Variants in STARD13 observed in about 807,000 individuals in gnomAD.
STARD13 encodes the protein StAR related lipid transfer domain containing 13.
In STARD13, 62 loss-of-function variants were observed where a neutral mutation model predicts 106.4. That is an observed-to-expected ratio of 0.58 (90% confidence interval 0.48 to 0.72). The LOEUF (loss-of-function observed/expected upper bound fraction) is 0.72, where lower values mean the gene tolerates loss of function less well. STARD13 is among the 30% of genes least tolerant of loss of function. The pLI is 0.00. For missense variants in STARD13, 1,387 were observed against 1,424.0 expected (o/e 0.97, Z 0.42); for synonymous variants, 565 against 553.0 (o/e 1.02, Z -0.31).
At chr13:33,213,664 T>C (rs1887857552) in intron 1 of STARD13, among the ~76,000 whole-genome samples, 1 of 152,236 alleles carries the variant, frequency 6.6e-6, no homozygotes, top group Non-Finnish European at 1.5e-5. Flanking sequence ...ATTTCATGCA[T>C]TGTGCTCATG....
chr13:33,205,956 C>T lies in STARD13; in HGVS notation c.170-38334G>A, dbSNP rs147446766. 154 of 985,384 alleles carry T rather than the reference C, an allele frequency of 1.6e-4. 2 individuals are homozygous for T. In the Admixed American group the frequency reaches 8.4e-3, roughly 53 times the overall value. 61.0% of individuals were successfully genotyped at this position (985,384 alleles called of 1,614,324 possible). On this transcript the variant is annotated intron_variant, in intron 1 of 13. Transcript: ENST00000336934. ...CATCTGTCACCGAGTGTTTTCTCTT[C>T]GTTATCTCTGCCAGCTAATATTTCC...
chr13:33,467,045 G>C, the STARD13 span, among the ~76,000 whole-genome samples: 1 of 152,026 alleles, frequency 6.6e-6, no homozygotes, highest in Non-Finnish European at 1.5e-5. Flanking sequence ...TGGGGGTTGA[G>C]GGGGTGGGGA....
At chr13:33,230,544 C>A (rs1888864271) in intron 1 of STARD13, among the ~76,000 whole-genome samples, 1 of 152,244 alleles carries the variant, frequency 6.6e-6, no homozygotes, top group African/African-American at 2.4e-5. Context: ...GTGGAGCTTT[C>A]ATAATCTTCT....
At chr13:33,195,505 T>C (rs139873522) in intron 1 of STARD13, among the ~76,000 whole-genome samples, 5 of 152,218 alleles carry the variant, frequency 3.3e-5, no homozygotes, top group Non-Finnish European at 4.4e-5. Flanking sequence ...TCCAGCCACC[T>C]GGAGCTGACA....
chr13:33,513,342 G>T, the STARD13 span, among the ~76,000 whole-genome samples: 1 of 152,092 alleles, frequency 6.6e-6, no homozygotes. Context: ...AAGACACTTG[G>T]GGTCTGAGGC....
intron 3 of STARD13, among the ~76,000 whole-genome samples, chr13:33,152,791 G>A (rs1279375630): frequency 1.3e-5 from 2 of 152,316 alleles, no homozygotes; most frequent in East Asian, 3.9e-4. Flanking sequence ...TCAAGCACAA[G>A]CCTTGAAATA....
the STARD13 span, among the ~76,000 whole-genome samples, chr13:33,543,448 A>G: frequency 6.6e-6 from 1 of 152,240 alleles, no homozygotes; most frequent in Admixed American, 6.5e-5. Context: ...TAATTTCCCC[A>G]AAGTTAGTAA....
intron 1 of STARD13, among the ~76,000 whole-genome samples, chr13:33,323,630 A>G (rs1455539956): frequency 6.6e-6 from 1 of 152,192 alleles, no homozygotes; most frequent in East Asian, 1.9e-4. Flanking sequence ...CCTCAAACAA[A>G]GCACTGTCTC....
At chr13:33,673,473 G>A in the STARD13 span, among the ~76,000 whole-genome samples, 1 of 151,568 alleles carries the variant, frequency 6.6e-6, no homozygotes, top group Non-Finnish European at 1.5e-5. Context: ...ACATGATTTT[G>A]CCATATTAGA....
chr13:33,606,257 C>T, the STARD13 span, among the ~76,000 whole-genome samples: 2,264 of 152,040 alleles, frequency 0.015, 49 homozygotes, highest in East Asian at 0.05. Context: ...GCCAAGATCG[C>T]ACCATTGCAC....
intron 1 of STARD13, among the ~76,000 whole-genome samples, chr13:33,302,372 A>T (rs1227501518): frequency 6.6e-6 from 1 of 152,206 alleles, no homozygotes; most frequent in African/African-American, 2.4e-5. Context: ...CTTTACATAC[A>T]TATATCTCAC....
intron 1 of STARD13, among the ~76,000 whole-genome samples, chr13:33,324,670 T>C (rs1012770683): frequency 6.6e-6 from 1 of 152,244 alleles, no homozygotes; most frequent in African/African-American, 2.4e-5. Context: ...TTTCTGTTTT[T>C]CACTCAATGT....
At chr13:33,195,255 C>T (rs1158930588) in intron 1 of STARD13, among the ~76,000 whole-genome samples, 3 of 152,100 alleles carry the variant, frequency 2.0e-5, no homozygotes, top group African/African-American at 7.2e-5. Flanking sequence ...ATATATATTC[C>T]CCCACAGGAA....
At chr13:33,504,464 A>G in the STARD13 span, among the ~76,000 whole-genome samples, 10 of 152,212 alleles carry the variant, frequency 6.6e-5, no homozygotes, top group Admixed American at 5.2e-4. Flanking sequence ...AGGGACACGG[A>G]TGAAACTGGA....
the STARD13 span, among the ~76,000 whole-genome samples, chr13:33,452,836 T>A: frequency 6.6e-6 from 1 of 152,244 alleles, no homozygotes; most frequent in African/African-American, 2.4e-5. Context: ...GGAACAGCGA[T>A]GTATATCAAC....
At chr13:33,255,648 C>T (rs2138303288) in intron 1 of STARD13, among the ~76,000 whole-genome samples, 1 of 152,222 alleles carries the variant, frequency 6.6e-6, no homozygotes, top group Middle Eastern at 3.4e-3. Flanking sequence ...CAGACTGAAC[C>T]AGAGTGAGCC....
At chr13:33,253,544 G>A (rs577753244) in intron 1 of STARD13, among the ~76,000 whole-genome samples, 90 of 152,298 alleles carry the variant, frequency 5.9e-4, no homozygotes, top group Non-Finnish European at 1.0e-3. Context: ...GATGAAGCAT[G>A]CTGTTGGGCT....
chr13:33,414,139 C>T, the STARD13 span, among the ~76,000 whole-genome samples: 1 of 151,762 alleles, frequency 6.6e-6, no homozygotes. Context: ...TTATAGCACA[C>T]CTATTAAAAT....
chr13:33,470,684 G>C, the STARD13 span, among the ~76,000 whole-genome samples: 1 of 152,114 alleles, frequency 6.6e-6, no homozygotes, highest in Non-Finnish European at 1.5e-5. Flanking sequence ...GTGATGATGA[G>C]CCTTTTTTCA....
Sources: gnomAD v4.1 joint callset for allele counts (sites outside exome capture counted in the v4.1 genomes callset) on GRCh38, gnomAD v4.1.1 for gene constraint, MANE v1.5 for transcripts, NCBI Gene and HGNC (gene_info 2026-07-23, HGNC 2026-07-21) for gene names.